Variants in CALN1 observed in about 807,000 individuals in gnomAD.
CALN1 encodes calcium-binding protein 8.
In CALN1, 17 loss-of-function variants were observed where a neutral mutation model predicts 30.6. The observed-to-expected ratio is 0.56, with a 90% CI of 0.38 to 0.83. The LOEUF (loss-of-function observed/expected upper bound fraction) is 0.83, where lower values mean the gene tolerates loss of function less well. Among genes scored for constraint, CALN1 ranks in the 40% least tolerant of loss-of-function variants. CALN1 has a pLI of 0.00. For missense variants in CALN1, 291 were observed against 354.9 expected, an observed-to-expected ratio of 0.82 and a Z score of 1.45; for synonymous variants, 156 against 131.4, an observed-to-expected ratio of 1.19 and a Z score of -1.28.
rs563274344 is a variant in CALN1, at chr7:71,919,011, T to A, written c.501+104646A>T. 2.0e-4 allele frequency among the ~76,000 whole-genome samples: 31 copies of A among 152,308 alleles called. No individual in the cohort carries two copies. In the East Asian group the frequency reaches 5.8e-3, roughly 28 times the overall value. Reference sequence around the variant, plus strand: ...GGAGCATGTATTTTTCATCTTTATGTCCCTTATACTGCTCCATAATGATGT... The same window carrying A: ...GGAGCATGTATTTTTCATCTTTATGACCCTTATACTGCTCCATAATGATGT... On this transcript the variant is annotated intron_variant, in intron 5 of 6. Transcript: ENST00000395275.
intron 3 of CALN1, among the ~76,000 whole-genome samples, chr7:72,153,920 A>C (rs1291529644): frequency 6.6e-6 from 1 of 152,098 alleles, no homozygotes; most frequent in Admixed American, 6.6e-5. Flanking sequence ...TGCTCTTGAC[A>C]TGAGACTTTC....
chr7:72,082,298 T>A (rs995682972), intron 4 of CALN1, among the ~76,000 whole-genome samples: 2 of 152,198 alleles, frequency 1.3e-5, no homozygotes, highest in Non-Finnish European at 2.9e-5. Context: ...AACAAACTTT[T>A]AACAGCTGCT....
At chr7:71,806,306 C>CT (rs774646277) in intron 6 of CALN1, among the ~76,000 whole-genome samples, 21,868 of 136,614 alleles carry the variant, frequency 0.16, 2,644 homozygotes, top group East Asian at 0.58. Flanking sequence ...TTTCCCCCTC[C>CT]TTTTTTTTTT....
At chr7:71,861,612 G>GA (rs55651519) in intron 5 of CALN1, among the ~76,000 whole-genome samples, 5 of 148,662 alleles carry the variant, frequency 3.4e-5, no homozygotes, top group East Asian at 2.0e-4. Flanking sequence ...CTGTGACTAC[G>GA]AAAAAAAAAA....
At chr7:72,108,420 G>A (rs1214568944) in intron 3 of CALN1, among the ~76,000 whole-genome samples, 1 of 152,218 alleles carries the variant, frequency 6.6e-6, no homozygotes. Flanking sequence ...ATTGCATCCA[G>A]TGCTTCTGCC....
At chr7:72,269,839 C>T (rs1469975699) in intron 3 of CALN1, among the ~76,000 whole-genome samples, 1 of 152,106 alleles carries the variant, frequency 6.6e-6, no homozygotes, top group Non-Finnish European at 1.5e-5. Flanking sequence ...TTTAAAAAGT[C>T]CATAAAAACC....
At chr7:71,947,155 C>G (rs1796447042) in intron 5 of CALN1, among the ~76,000 whole-genome samples, 1 of 152,026 alleles carries the variant, frequency 6.6e-6, no homozygotes, top group African/African-American at 2.4e-5. Flanking sequence ...GGATTACAGG[C>G]ACCCACCACC....
At chr7:72,301,386 T>C (rs545699917) in intron 2 of CALN1, among the ~76,000 whole-genome samples, 31 of 151,958 alleles carry the variant, frequency 2.0e-4, no homozygotes, top group African/African-American at 7.5e-4. Flanking sequence ...GGCAGGTGTA[T>C]CACTTGAGGT....
chr7:71,869,432 G>A (rs1477252362), intron 5 of CALN1, among the ~76,000 whole-genome samples: 7 of 152,042 alleles, frequency 4.6e-5, no homozygotes, highest in African/African-American at 7.2e-5. Flanking sequence ...GGCTGGTCTC[G>A]AACTCCTGAC....
At chr7:72,374,733 G>A (rs1422777016) in intron 2 of CALN1, among the ~76,000 whole-genome samples, 1 of 152,026 alleles carries the variant, frequency 6.6e-6, no homozygotes, top group Non-Finnish European at 1.5e-5. Flanking sequence ...ATCCAAAATT[G>A]TTCTGGAGAT....
chr7:71,847,779 G>GAAGAAGAAGA, intron 5 of CALN1, among the ~76,000 whole-genome samples: 2 of 142,480 alleles, frequency 1.4e-5, no homozygotes, highest in East Asian at 2.2e-4. Flanking sequence ...GAAGAAAGAA[G>GAAGAAGAAGA]AAGAAGAAGA....
intron 3 of CALN1, among the ~76,000 whole-genome samples, chr7:72,278,008 C>G (rs10627059): frequency 0.03 from 1,453 of 49,058 alleles, 25 homozygotes; most frequent in East Asian, 0.072. Flanking sequence ...TCCTCTATTC[C>G]GGGGGGGGGG....
At chr7:72,503,077 C>T in the CALN1 span, among the ~76,000 whole-genome samples, 3 of 151,812 alleles carry the variant, frequency 2.0e-5, no homozygotes, top group Non-Finnish European at 2.9e-5. Context: ...ATCTGGGAAG[C>T]GGTGGTTGTA....
intron 2 of CALN1, among the ~76,000 whole-genome samples, chr7:72,293,288 C>CA (rs1453980055): frequency 6.6e-6 from 1 of 152,114 alleles, no homozygotes; most frequent in African/African-American, 2.4e-5. Context: ...ATCAGAACCT[C>CA]AAAGTTGAGT....
intron 5 of CALN1, among the ~76,000 whole-genome samples, chr7:71,839,921 A>AT (rs1001931941): frequency 6.6e-6 from 1 of 151,986 alleles, no homozygotes; most frequent in African/African-American, 2.4e-5. Context: ...CCCTCTCTCT[A>AT]TGGAGGGCTG....
At chr7:72,078,261 G>C (rs893987505) in intron 4 of CALN1, among the ~76,000 whole-genome samples, 1 of 152,064 alleles carries the variant, frequency 6.6e-6, no homozygotes, top group Non-Finnish European at 1.5e-5. Flanking sequence ...TTACTCTGCA[G>C]CTACCCCGAG....
intron 2 of CALN1, among the ~76,000 whole-genome samples, chr7:72,280,986 T>C (rs564586608): frequency 2.0e-5 from 3 of 152,012 alleles, no homozygotes; most frequent in Non-Finnish European, 4.4e-5. Context: ...CTACTAAAAA[T>C]ACAAAAAATT....
chr7:72,336,974 C>T, intron 2 of CALN1: 2 of 985,238 alleles, frequency 2.0e-6, no homozygotes, highest in Non-Finnish European at 2.4e-6. Flanking sequence ...GCGATCTGGG[C>T]GCGTGCCTCC....
chr7:71,907,045 C>A lies in CALN1; in HGVS notation c.502-96553G>T, dbSNP rs868220040. Among the ~76,000 whole-genome samples, 106 of 152,112 alleles carry A rather than the reference C, an allele frequency of 7.0e-4. 1 individual carries two copies. The highest frequency in any genetic ancestry group is 2.5e-3 in the African/African-American group (103 of 41,424). ...CTGCCTTTTTGCAGCTTGCTTGCAT[C>A]CACCCTGGGCCAGGTAAAGCTGACT... On this transcript the variant is annotated intron_variant, in intron 5 of 6. Coordinates refer to ENST00000395275, the MANE Select transcript of CALN1 (RefSeq NM_031468.4).
Sources: allele counts gnomAD v4.1 joint callset (sites outside exome capture counted in the v4.1 genomes callset), GRCh38; gene constraint gnomAD v4.1.1; transcripts MANE v1.5; gene names NCBI Gene and HGNC (gene_info 2026-07-23, HGNC 2026-07-21).